IPCEF1: variants seen among roughly 807,000 people sequenced by gnomAD.
IPCEF1 encodes the protein interactor protein for cytohesin exchange factors 1.
A neutral mutation model predicts 50.9 loss-of-function variants in IPCEF1; 31 were observed. The observed-to-expected ratio is 0.61, with a 90% CI of 0.46 to 0.82. IPCEF1 has a LOEUF of 0.82. Among genes scored for constraint, IPCEF1 ranks in the 40% least tolerant of loss-of-function variants. The pLI, the probability that IPCEF1 is intolerant of heterozygous loss-of-function variation, is 0.00. For synonymous variants in IPCEF1, 181 were observed against 192.0 expected (o/e 0.94, Z 0.47); for missense variants, 458 against 514.0 (o/e 0.89, Z 1.05).
intron 9 of IPCEF1, among the ~76,000 whole-genome samples, chr6:154,211,418 G>GAAAAAAAAAAA (rs78285288): frequency 9.3e-6 from 1 of 107,110 alleles, no homozygotes. Context: ...CAAAAACAAA[G>GAAAAAAAAAAA]AAAAAAAAAA....
At chr6:154,234,144 G>T (rs954555823) in intron 5 of IPCEF1, among the ~76,000 whole-genome samples, 1 of 152,144 alleles carries the variant, frequency 6.6e-6, no homozygotes, top group Non-Finnish European at 1.5e-5. Flanking sequence ...GGAGTTTGAG[G>T]TTGTGGTGAG....
intron 3 of IPCEF1, among the ~76,000 whole-genome samples, chr6:154,257,872 T>A (rs1781501228): frequency 6.6e-6 from 1 of 152,124 alleles, no homozygotes; most frequent in Non-Finnish European, 1.5e-5. Flanking sequence ...CTGGCTAATT[T>A]TTTATTTTTT....
At chr6:154,284,915 T>G (rs1427852701) in intron 2 of IPCEF1, among the ~76,000 whole-genome samples, 1 of 151,748 alleles carries the variant, frequency 6.6e-6, no homozygotes, top group Admixed American at 6.6e-5. Context: ...CAAAATAATC[T>G]CTTGAACCCA....
intron 2 of IPCEF1, among the ~76,000 whole-genome samples, chr6:154,271,841 G>T (rs1170375471): frequency 2.0e-5 from 3 of 152,134 alleles, no homozygotes; most frequent in Non-Finnish European, 4.4e-5. Flanking sequence ...ATAAAAATTA[G>T]CAGGGTATGG....
At chr6:154,248,739 T>C (rs1781259280) in intron 3 of IPCEF1, among the ~76,000 whole-genome samples, 1 of 152,164 alleles carries the variant, frequency 6.6e-6, no homozygotes, top group African/African-American at 2.4e-5. Context: ...AATCTGCTTC[T>C]TCATTTATAA....
At chr6:154,176,429 A>G (rs71567968) in intron 10 of IPCEF1, among the ~76,000 whole-genome samples, 13,152 of 152,218 alleles carry the variant, frequency 0.086, 803 homozygotes, top group African/African-American at 0.17. Flanking sequence ...AAACCCCATC[A>G]TCTCAGCCCA....
chr6:154,269,606 G>A (rs1453384032), intron 2 of IPCEF1, among the ~76,000 whole-genome samples: 4 of 151,972 alleles, frequency 2.6e-5, no homozygotes, highest in Admixed American at 6.6e-5. Context: ...AAAGCATTGC[G>A]ATTACATGAG....
At chr6:154,193,496 A>G (rs1229454588) in intron 10 of IPCEF1, among the ~76,000 whole-genome samples, 1 of 152,222 alleles carries the variant, frequency 6.6e-6, no homozygotes, top group African/African-American at 2.4e-5. Context: ...CCAAAAACCT[A>G]TGGAAATAAC....
At chr6:154,277,997 C>T (rs999276755) in intron 2 of IPCEF1, among the ~76,000 whole-genome samples, 15 of 152,076 alleles carry the variant, frequency 9.9e-5, no homozygotes, top group Admixed American at 3.9e-4. Context: ...TCCATGCACA[C>T]GTGCACCTTC....
At chr6:154,181,478 A>C (rs1361126325) in intron 10 of IPCEF1, among the ~76,000 whole-genome samples, 1 of 152,256 alleles carries the variant, frequency 6.6e-6, no homozygotes, top group Non-Finnish European at 1.5e-5. Context: ...ACTATGCTTT[A>C]AATTTACATA....
At chr6:154,337,617 C>T (rs752438635) in intron 1 of IPCEF1, among the ~76,000 whole-genome samples, 14 of 151,932 alleles carry the variant, frequency 9.2e-5, no homozygotes, top group African/African-American at 3.1e-4. Context: ...GGCACAGCAA[C>T]GAGGAAAGAG....
At chr6:154,214,087 G>C in intron 8 of IPCEF1, 131 bp downstream of exon 8, 2 of 679,300 alleles carry the variant, frequency 2.9e-6, no homozygotes, top group East Asian at 2.7e-5. Flanking sequence ...CATATTTTCA[G>C]ATCATCTTAA....
At chr6:154,275,678 T>C (rs1782037384) in intron 2 of IPCEF1, among the ~76,000 whole-genome samples, 1 of 152,238 alleles carries the variant, frequency 6.6e-6, no homozygotes, top group Admixed American at 6.5e-5. Context: ...TTATTTCTGC[T>C]TTGCCAAACA....
chr6:154,343,625 A>G (rs911009581), intron 1 of IPCEF1, among the ~76,000 whole-genome samples: 2 of 152,198 alleles, frequency 1.3e-5, no homozygotes, highest in Middle Eastern at 3.4e-3. Flanking sequence ...ATCTGACCCA[A>G]TTATGCACTC....
intron 1 of IPCEF1, among the ~76,000 whole-genome samples, chr6:154,309,472 G>C (rs1583974380): frequency 6.6e-6 from 1 of 152,172 alleles, no homozygotes; most frequent in African/African-American, 2.4e-5. Context: ...CTCTTATTCA[G>C]CCATCTCACC....
chr6:154,279,963 C>A (rs1782166220), intron 2 of IPCEF1, among the ~76,000 whole-genome samples: 1 of 151,974 alleles, frequency 6.6e-6, no homozygotes, highest in South Asian at 2.1e-4. Context: ...AATGTTAATC[C>A]TCATTAACAA....
rs532716148 is a variant in IPCEF1 at position 154,223,271 on chromosome 6, A to G, written c.247-28T>C. 26 of 1,541,102 alleles carry G rather than the reference A, an allele frequency of 1.7e-5. 1 individual carries two copies. The African/African-American group carries it at 3.3e-4, about 19-fold the overall frequency. On this transcript the variant is annotated intron_variant, in intron 5 of 11. Transcript: ENST00000367220. ...GAAACAAATATATACCACAAATAGG[A>G]ATGAATGCATCAATCCTGGGGATTA...
At chr6:154,201,366 GTC>G (rs1404741976) in intron 9 of IPCEF1, among the ~76,000 whole-genome samples, 1 of 152,024 alleles carries the variant, frequency 6.6e-6, no homozygotes, top group African/African-American at 2.4e-5. Flanking sequence ...TTGTCTCTTT[GTC>G]TCTTTGTCTC....
At chr6:154,319,669 C>T (rs557507184) in intron 1 of IPCEF1, among the ~76,000 whole-genome samples, 65 of 152,240 alleles carry the variant, frequency 4.3e-4, no homozygotes, top group African/African-American at 1.4e-3. Context: ...TAAATTGAGA[C>T]GCGAAGCGGG....
Sources: gnomAD v4.1 joint callset for allele counts (sites outside exome capture counted in the v4.1 genomes callset) on GRCh38, gnomAD v4.1.1 for gene constraint, MANE v1.5 for transcripts, NCBI Gene and HGNC (gene_info 2026-07-23, HGNC 2026-07-21) for gene names.